The following ERCC8 variants were observed in gnomAD, a reference collection of about 807,000 sequenced individuals.
ERCC8 encodes the protein ERCC excision repair 8, CSA ubiquitin ligase complex subunit, also known as DNA excision repair protein ERCC-8.
In ERCC8, 52 loss-of-function variants were observed where a neutral mutation model predicts 54.9. The observed-to-expected ratio is 0.95, with a 90% confidence interval of 0.76 to 1.19. The LOEUF (loss-of-function observed/expected upper bound fraction) is 1.19, where lower values mean the gene tolerates loss of function less well. Among genes scored for constraint, ERCC8 ranks in the 50% most tolerant of loss-of-function variants. The pLI is 0.00. For synonymous variants in ERCC8, 146 were observed against 157.2 expected (o/e 0.93, Z 0.53); for missense variants, 514 against 466.1 (o/e 1.10, Z -0.95).
In ERCC8 at chr5:60,918,250, T is replaced by G; in HGVS notation, c.399+15A>C. The G allele has an allele frequency of 6.3e-7, 1 of 1,579,664 alleles. No homozygotes were observed. Among genetic ancestry groups the G allele is most frequent in the Non-Finnish European group, 8.7e-7 (1 of 1,150,030 alleles). On this transcript the variant is annotated intron_variant, in intron 4 of 11. Transcript: ENST00000676185. The stretch of plus-strand genomic sequence containing the variant: ...TATCCTACAAAGCAATCTGCAAATG[T>G]TTTAATGTACTTACTTGTAATGTAT...
At chr5:60,877,535 T>C (rs1748051829) in intron 11 of ERCC8, among the ~76,000 whole-genome samples, 1 of 152,218 alleles carries the variant, frequency 6.6e-6, no homozygotes, top group Non-Finnish European at 1.5e-5. Context: ...TTTGTTTGTA[T>C]CCTCTTTTAT....
At chr5:60,893,385 C>G in intron 9 of ERCC8, 1 of 857,706 alleles carries the variant, frequency 1.2e-6, no homozygotes, top group South Asian at 1.3e-5. Flanking sequence ...TCCTGGGCAG[C>G]TTGCTGCTTC....
Position 60,918,287 on chromosome 5 carries a change from A to T in ERCC8, c.377T>A (p.Val126Glu), listed in dbSNP as rs1359055240. 1.9e-6 allele frequency: 3 copies of T among 1,599,098 alleles called. No homozygotes were observed. The highest frequency in any genetic ancestry group is 2.7e-5 in the African/African-American group (2 of 74,542). The part of the protein sequence containing the change: ...TSSSFDKTLK[V>E]WDTNTLQTAD... ...TACTTGTAATGTATTTGTATCCCAT[A>T]CTTTCAGAGTTTTATCAAATGAGCT... Residue 126 changes from valine (V) to glutamate (E), a missense_variant, in exon 4 of 12, where the codon GTA (valine) becomes GAA (glutamate). Transcript: ENST00000676185.
intron 10 of ERCC8, among the ~76,000 whole-genome samples, 153 bp from the exon 11 acceptor site, chr5:60,887,673 G>A (rs538041309): frequency 5.3e-5 from 8 of 152,088 alleles, no homozygotes; most frequent in African/African-American, 1.9e-4. Context: ...TTTTTCCTTT[G>A]TTTCTTTGTT....
intron 1 of ERCC8, among the ~76,000 whole-genome samples, chr5:60,934,739 T>C (rs752083251): frequency 6.6e-6 from 1 of 152,248 alleles, no homozygotes; most frequent in Non-Finnish European, 1.5e-5. Flanking sequence ...TTGATTTTTG[T>C]AGAAGGTGAG....
chr5:60,878,418 A>G (rs901779735), intron 11 of ERCC8, among the ~76,000 whole-genome samples: 1 of 151,938 alleles, frequency 6.6e-6, no homozygotes, highest in Non-Finnish European at 1.5e-5. Context: ...CTCTTTTTCT[A>G]TTGATTGGAA....
chr5:60,936,734 A>G (rs1750078445), intron 1 of ERCC8, among the ~76,000 whole-genome samples: 1 of 152,212 alleles, frequency 6.6e-6, no homozygotes. Context: ...ATTATCATTC[A>G]GTTCAAAGAA....
intron 10 of ERCC8, among the ~76,000 whole-genome samples, chr5:60,887,872 G>T (rs534269490): frequency 1.3e-5 from 2 of 152,284 alleles, no homozygotes; most frequent in Admixed American, 6.5e-5. Flanking sequence ...CTTCAATAAA[G>T]ACTTCAGTGA....
At chr5:60,906,872 G>C (rs1009323996) in intron 4 of ERCC8, among the ~76,000 whole-genome samples, 3 of 152,294 alleles carry the variant, frequency 2.0e-5, no homozygotes, top group Admixed American at 1.3e-4. Context: ...AAGGCAAGAG[G>C]GGGTGGTGGC....
chr5:60,922,236 A>G (rs1459730992), intron 2 of ERCC8, 81 bp from the exon 3 acceptor site: 3 of 896,392 alleles, frequency 3.3e-6, no homozygotes, highest in Non-Finnish European at 3.6e-6. Context: ...ATTTCTAAAA[A>G]CTGATTTGCA....
rs1579997401 is a variant in ERCC8, at chr5:60,893,576, A to G, written c.844-2490T>C. On this transcript the variant is annotated intron_variant, in intron 9 of 11. Transcript: ENST00000676185. ...TTCATTTTTGTTTCTAAGTTTCATC[A>G]TCATGATCAGCTTGAAAGCAGATAG... 6 of 666,628 alleles carry G rather than the reference A, an allele frequency of 9.0e-6. No individual in the cohort carries two copies. In the Admixed American group the frequency reaches 1.4e-4, roughly 16 times the overall value. The allele number at this position is 666,628 out of a possible 1,614,324, so 41.3% of individuals were successfully genotyped here.
intron 11 of ERCC8, among the ~76,000 whole-genome samples, chr5:60,885,975 C>T (rs1748379311): frequency 6.6e-6 from 1 of 152,032 alleles, no homozygotes; most frequent in Admixed American, 6.6e-5. Context: ...ATTTAAGATG[C>T]TTTTACTATG....
Position 60,868,179 on chromosome 5 carries a change from G to A in ERCC8, c.*6436C>T, listed in dbSNP as rs1338413618. On this transcript the variant is annotated 3_prime_UTR_variant, in exon 12 of 12. Coordinates refer to ENST00000676185, the MANE Select transcript of ERCC8 (RefSeq NM_000082.4). The stretch of plus-strand genomic sequence containing the variant: ...TGGGCAACAAGACGAAACTAGTTCT[G>A]TAAAACTTATGCAACCACCATTAAC... 6.6e-6 allele frequency among the ~76,000 whole-genome samples: 1 copy of A among 152,180 alleles called. No individual in the cohort carries two copies. The highest frequency in any genetic ancestry group is 2.4e-5 in the African/African-American group (1 of 41,430).
chr5:60,935,238 G>C (rs760625492), intron 1 of ERCC8, among the ~76,000 whole-genome samples: 2 of 152,052 alleles, frequency 1.3e-5, no homozygotes, highest in African/African-American at 4.8e-5. Context: ...GTCTTGTAGA[G>C]GTCTTTTACC....
At chr5:60,899,338 G>C (rs1748806968) in intron 8 of ERCC8, among the ~76,000 whole-genome samples, 1 of 151,960 alleles carries the variant, frequency 6.6e-6, no homozygotes, top group Non-Finnish European at 1.5e-5. Context: ...AATATGTATA[G>C]TTGGCCTCAA....
chr5:60,892,848 T>G, intron 9 of ERCC8: 1 of 691,748 alleles, frequency 1.4e-6, no homozygotes, highest in Non-Finnish European at 2.7e-6. Flanking sequence ...TGCATGGCTG[T>G]GCTTCAGGCT....
At chr5:60,912,619 C>T (rs1280686010) in intron 4 of ERCC8, among the ~76,000 whole-genome samples, 1 of 152,078 alleles carries the variant, frequency 6.6e-6, no homozygotes, top group Non-Finnish European at 1.5e-5. Context: ...CCAGAACTTC[C>T]AACGCTATGT....
At chr5:60,898,660 CAT>C (rs993856174) in intron 8 of ERCC8, among the ~76,000 whole-genome samples, 3 of 150,786 alleles carry the variant, frequency 2.0e-5, no homozygotes, top group African/African-American at 7.3e-5. Context: ...GAAATTGTGC[CAT>C]GAAATTCAAT....
chr5:60,890,783 A>C (rs1354850353), intron 10 of ERCC8, 106 bp downstream of exon 10: 15 of 826,876 alleles, frequency 1.8e-5, no homozygotes, highest in African/African-American at 3.4e-5. Context: ...ACAAATGTGG[A>C]TTAAAAGCAT....
Sources: allele counts gnomAD v4.1 joint callset (sites outside exome capture counted in the v4.1 genomes callset), GRCh38; gene constraint gnomAD v4.1.1; transcripts MANE v1.5; gene names NCBI Gene and HGNC (gene_info 2026-07-23, HGNC 2026-07-21).